Variants in GUCY1A2 observed in about 807,000 individuals in gnomAD.
GUCY1A2 encodes guanylate cyclase soluble subunit alpha-2.
A neutral mutation model predicts 63.5 loss-of-function variants in GUCY1A2; 27 were observed. The ratio of observed to expected loss-of-function variants is 0.43; its 90% CI spans 0.31 to 0.59. The LOEUF (loss-of-function observed/expected upper bound fraction) is 0.59. Among genes scored for constraint, GUCY1A2 ranks in the 20% least tolerant of loss-of-function variants. GUCY1A2 has a pLI of 0.11. For synonymous variants in GUCY1A2, 364 were observed against 343.5 expected (o/e 1.06, Z -0.66); for missense variants, 768 against 913.3 (o/e 0.84, Z 2.05).
intron 6 of GUCY1A2, among the ~76,000 whole-genome samples, chr11:106,717,116 G>A (rs940891438): frequency 2.6e-5 from 4 of 152,138 alleles, no homozygotes; most frequent in African/African-American, 4.8e-5. Context: ...TGAGTCAGTG[G>A]ATTCCTTTAA....
intron 3 of GUCY1A2, among the ~76,000 whole-genome samples, chr11:106,956,103 C>A (rs536480385): frequency 6.6e-6 from 1 of 151,426 alleles, no homozygotes; most frequent in Admixed American, 6.6e-5. Context: ...GTGTATGCTT[C>A]GTGAAGTTCT....
intron 5 of GUCY1A2, among the ~76,000 whole-genome samples, chr11:106,809,514 A>G (rs1371897933): frequency 1.3e-5 from 2 of 152,154 alleles, no homozygotes; most frequent in Non-Finnish European, 2.9e-5. Context: ...GTATTTATAT[A>G]TAGGTTTTTT....
intron 7 of GUCY1A2, among the ~76,000 whole-genome samples, chr11:106,697,952 C>T (rs1862748220): frequency 1.3e-5 from 2 of 151,932 alleles, no homozygotes; most frequent in Non-Finnish European, 2.9e-5. Flanking sequence ...GTCATTTCAC[C>T]TCTAGGTGTT....
At chr11:106,765,063 T>C (rs1414188253) in intron 6 of GUCY1A2, among the ~76,000 whole-genome samples, 1 of 151,494 alleles carries the variant, frequency 6.6e-6, no homozygotes, top group Admixed American at 6.6e-5. Context: ...TTTTCCTCTA[T>C]AATCTTGTAC....
At chr11:106,744,715 C>G (rs1440563453) in intron 6 of GUCY1A2, among the ~76,000 whole-genome samples, 1 of 152,004 alleles carries the variant, frequency 6.6e-6, no homozygotes, top group South Asian at 2.1e-4. Context: ...CCCCAACATT[C>G]AAAAATAGTA....
At chr11:106,835,799 C>G (rs914875110) in intron 4 of GUCY1A2, among the ~76,000 whole-genome samples, 1 of 151,620 alleles carries the variant, frequency 6.6e-6, no homozygotes, top group Non-Finnish European at 1.5e-5. Flanking sequence ...TTTTATAATG[C>G]TAATGAGATC....
intron 6 of GUCY1A2, among the ~76,000 whole-genome samples, chr11:106,742,551 T>C (rs1863713272): frequency 6.6e-6 from 1 of 152,254 alleles, no homozygotes; most frequent in Non-Finnish European, 1.5e-5. Flanking sequence ...TAGTATTCCA[T>C]GGAGTATATG....
intron 6 of GUCY1A2, among the ~76,000 whole-genome samples, chr11:106,730,096 T>TATATATATATAAA (rs1565271769): frequency 1.0e-5 from 1 of 96,114 alleles, no homozygotes. Context: ...ATATATATAT[T>TATATATATATAAA]ATAGTATATA....
chr11:106,818,588 G>T (rs527620683), intron 4 of GUCY1A2, among the ~76,000 whole-genome samples: 8 of 152,188 alleles, frequency 5.3e-5, no homozygotes, highest in African/African-American at 1.9e-4. Flanking sequence ...GAAAAGAAAA[G>T]TTGCAGGGCT....
chr11:106,983,898 T>C (rs1045328952), intron 2 of GUCY1A2, among the ~76,000 whole-genome samples: 28 of 152,208 alleles, frequency 1.8e-4, no homozygotes, highest in African/African-American at 6.5e-4. Context: ...CAATTAGAGA[T>C]AGGAAGCCTT....
At chr11:106,901,742 T>G (rs1223833509) in intron 4 of GUCY1A2, among the ~76,000 whole-genome samples, 1 of 150,936 alleles carries the variant, frequency 6.6e-6, no homozygotes, top group Admixed American at 6.6e-5. Context: ...CAGTGTTTGA[T>G]TTTTTGTTCT....
intron 4 of GUCY1A2, among the ~76,000 whole-genome samples, chr11:106,859,733 C>G (rs564968097): frequency 4.9e-4 from 75 of 152,110 alleles, no homozygotes; most frequent in African/African-American, 9.4e-4. Flanking sequence ...CATATTTTTA[C>G]TGTACCTTTT....
intron 6 of GUCY1A2, among the ~76,000 whole-genome samples, chr11:106,709,313 A>G (rs12800542): frequency 1.5e-5 from 1 of 65,916 alleles, no homozygotes; most frequent in Non-Finnish European, 2.5e-5. Flanking sequence ...ATATTTATAT[A>G]TATTTATATA....
Position 106,680,950 on chromosome 11 carries a change from A to G in GUCY1A2, c.*6599T>C, listed in dbSNP as rs1191650339. 2 of 203,632 alleles carry G rather than the reference A, an allele frequency of 9.8e-6. No homozygotes were observed. Among genetic ancestry groups the G allele is most frequent in the African/African-American group, 4.6e-5 (2 of 43,740 alleles). 12.6% of individuals were successfully genotyped at this position (203,632 alleles called of 1,614,324 possible). A position where few individuals can be genotyped will look rare whatever the true frequency, so the allele number is the denominator to read the frequency against. ...TGTTTAGATACTGTTCAGTATAAAC[A>G]TAAATTTACTAGTTGATTTTAGCTG... On this transcript the variant is annotated 3_prime_UTR_variant, in exon 8 of 8. Transcript: ENST00000526355.
chr11:106,927,666 G>A (rs970403746), intron 4 of GUCY1A2, among the ~76,000 whole-genome samples: 1 of 151,368 alleles, frequency 6.6e-6, no homozygotes, highest in Non-Finnish European at 1.5e-5. Context: ...CCGGGTTCAC[G>A]CCATTCTCCT....
chr11:106,792,211 C>A (rs1034488358), intron 5 of GUCY1A2, among the ~76,000 whole-genome samples: 2 of 151,956 alleles, frequency 1.3e-5, no homozygotes, highest in Admixed American at 1.3e-4. Flanking sequence ...CATAGTGAAA[C>A]CCCATCTCTA....
At chr11:106,934,729 A>C (rs1181974968) in intron 4 of GUCY1A2, among the ~76,000 whole-genome samples, 1 of 152,196 alleles carries the variant, frequency 6.6e-6, no homozygotes, top group East Asian at 1.9e-4. Flanking sequence ...CAACCCTGAG[A>C]ACAAAAGTGA....
intron 4 of GUCY1A2, chr11:106,827,938 G>C (rs1205396939): frequency 1.8e-6 from 2 of 1,129,972 alleles, no homozygotes; most frequent in Non-Finnish European, 2.6e-6. Context: ...GGAACAGCGA[G>C]ACTCTGGACT....
At chr11:106,866,396 T>A (rs531460209) in intron 4 of GUCY1A2, among the ~76,000 whole-genome samples, 1 of 152,192 alleles carries the variant, frequency 6.6e-6, no homozygotes, top group East Asian at 1.9e-4. Context: ...TTTAATGACT[T>A]CAATGCATGA....
Sources: allele counts gnomAD v4.1 joint callset (sites outside exome capture counted in the v4.1 genomes callset), GRCh38; gene constraint gnomAD v4.1.1; transcripts MANE v1.5; gene names NCBI Gene and HGNC (gene_info 2026-07-23, HGNC 2026-07-21).